The following KIF26B variants were observed in gnomAD, a reference collection of about 807,000 sequenced individuals.
KIF26B encodes the protein kinesin-like protein KIF26B.
Under a neutral mutation model 151.2 loss-of-function variants are expected in KIF26B, and 63 were observed. The observed-to-expected ratio is 0.42, with a 90% CI of 0.34 to 0.51. KIF26B has a LOEUF of 0.51. Among genes scored for constraint, KIF26B ranks in the 20% least tolerant of loss-of-function variants. The pLI, the probability that KIF26B is intolerant of heterozygous loss-of-function variation, is 0.07. For synonymous variants in KIF26B, 1,357 were observed against 1,262.1 expected, an observed-to-expected ratio of 1.08 and a Z score of -1.59; for missense variants, 2,813 against 2,913.6, an observed-to-expected ratio of 0.97 and a Z score of 0.79.
At chr1:245,589,655 CCT>C (rs1207502427) in intron 5 of KIF26B, among the ~76,000 whole-genome samples, 1 of 152,178 alleles carries the variant, frequency 6.6e-6, no homozygotes, top group Non-Finnish European at 1.5e-5. Context: ...GTGGTCATTG[CCT>C]CTTTGTCTTA....
chr1:245,394,798 C>A (rs1338285061), intron 3 of KIF26B, among the ~76,000 whole-genome samples: 1 of 147,280 alleles, frequency 6.8e-6, no homozygotes, highest in Non-Finnish European at 1.5e-5. Flanking sequence ...TCAAGTGAGT[C>A]TCCTGCCTCA....
chr1:245,469,989 G>C (rs909706439), intron 4 of KIF26B, among the ~76,000 whole-genome samples: 1 of 151,952 alleles, frequency 6.6e-6, no homozygotes, highest in African/African-American at 2.4e-5. Flanking sequence ...CAGTAGATCA[G>C]AGTTGGTTGG....
intron 2 of KIF26B, among the ~76,000 whole-genome samples, chr1:245,326,630 G>A (rs1282205587): frequency 6.6e-6 from 1 of 152,186 alleles, no homozygotes; most frequent in Non-Finnish European, 1.5e-5. Flanking sequence ...TGTAGGCTTG[G>A]CACAAGGAGC....
At chr1:245,485,688 A>G (rs1660267237) in intron 4 of KIF26B, among the ~76,000 whole-genome samples, 3 of 152,010 alleles carry the variant, frequency 2.0e-5, no homozygotes, top group Non-Finnish European at 4.4e-5. Flanking sequence ...CTGGCCTTCA[A>G]AAGTTTTTAA....
intron 2 of KIF26B, among the ~76,000 whole-genome samples, chr1:245,354,603 C>T (rs1672642333): frequency 3.3e-5 from 5 of 152,232 alleles, no homozygotes; most frequent in South Asian, 4.1e-4. Context: ...CTGCATTCCA[C>T]CAGCCCGTGG....
chr1:245,285,962 C>T (rs1474556711), intron 2 of KIF26B, among the ~76,000 whole-genome samples: 1 of 143,274 alleles, frequency 7.0e-6, no homozygotes, highest in Non-Finnish European at 1.5e-5. Flanking sequence ...GGCACCACTG[C>T]ACTCCAGCCT....
intron 3 of KIF26B, among the ~76,000 whole-genome samples, chr1:245,387,460 G>A (rs1280643061): frequency 1.3e-5 from 2 of 152,142 alleles, no homozygotes; most frequent in South Asian, 2.1e-4. Context: ...CACTATGCCC[G>A]GCTCCAATCT....
intron 4 of KIF26B, among the ~76,000 whole-genome samples, chr1:245,527,449 C>T (rs1266544665): frequency 1.4e-5 from 2 of 144,918 alleles, no homozygotes; most frequent in South Asian, 2.3e-4. Context: ...CCAGCCAGTT[C>T]ACTATCATTC....
chr1:245,680,185 C>G (rs1016714746), intron 10 of KIF26B, among the ~76,000 whole-genome samples: 8 of 152,170 alleles, frequency 5.3e-5, no homozygotes, highest in African/African-American at 1.9e-4. Context: ...TGCCCCTTCC[C>G]TCCCCTGCCC....
At chr1:245,309,160 A>G (rs906886405) in intron 2 of KIF26B, among the ~76,000 whole-genome samples, 1 of 152,198 alleles carries the variant, frequency 6.6e-6, no homozygotes, top group Non-Finnish European at 1.5e-5. Context: ...GCTCATGTGC[A>G]TCAGGATTGC....
rs545770495 is a variant in KIF26B, at chr1:245,430,766, C to A, written c.1166+11021C>A. Among the ~76,000 whole-genome samples, 11 of 152,266 alleles carry A rather than the reference C, an allele frequency of 7.2e-5. No homozygotes were observed. The South Asian group carries it at 2.3e-3, about 32-fold the overall frequency. On this transcript the variant is annotated intron_variant, in intron 4 of 14. Coordinates refer to ENST00000407071, the MANE Select transcript of KIF26B (RefSeq NM_018012.4). Reference sequence around the variant, plus strand: ...GACACACATTTAATCTTCAGAAGCCCCCATGAGTTGGCCGTGTTTTTATCC... The same window carrying A: ...GACACACATTTAATCTTCAGAAGCCACCATGAGTTGGCCGTGTTTTTATCC...
intron 10 of KIF26B, among the ~76,000 whole-genome samples, chr1:245,677,793 G>A (rs2044373848): frequency 6.6e-6 from 1 of 152,234 alleles, no homozygotes; most frequent in Non-Finnish European, 1.5e-5. Context: ...TAAAAATAAA[G>A]TGATTTTCCC....
chr1:245,469,661 TG>T (rs1230163978), intron 4 of KIF26B, among the ~76,000 whole-genome samples: 2 of 152,196 alleles, frequency 1.3e-5, no homozygotes, highest in Non-Finnish European at 2.9e-5. Flanking sequence ...AAGTGGCTTT[TG>T]TATCACCCAA....
chr1:245,351,736 G>A (rs1179997685), intron 2 of KIF26B, among the ~76,000 whole-genome samples: 1 of 152,182 alleles, frequency 6.6e-6, no homozygotes, highest in Non-Finnish European at 1.5e-5. Context: ...CAGGTCCAGA[G>A]CTCTGGCCAG....
intron 10 of KIF26B, among the ~76,000 whole-genome samples, chr1:245,661,395 G>A (rs1252530704): frequency 2.0e-5 from 3 of 151,992 alleles, no homozygotes; most frequent in Non-Finnish European, 4.4e-5. Context: ...GCAAAGGCAG[G>A]TGCAGCACAG....
At position 245,168,707 on chromosome 1, in the gene KIF26B, C is replaced by CT. The variant is rs995122505; in HGVS notation, c.465+12031dup. 5.8e-4 allele frequency among the ~76,000 whole-genome samples: 89 copies of CT among 152,178 alleles called. 1 individual carries two copies. Among genetic ancestry groups the CT allele is most frequent in the African/African-American group, 1.9e-3 (80 of 41,530 alleles). Reference sequence around the variant, plus strand: ...TCTTTTTGCTCCCTTTGATTTCTCTCTTTTTTTCTGCTCTTTCAAATGCCT... The same window carrying CT: ...TCTTTTTGCTCCCTTTGATTTCTCTCTTTTTTTTCTGCTCTTTCAAATGCCT... On this transcript the variant is annotated intron_variant, in intron 2 of 14. Transcript: ENST00000407071.
chr1:245,362,406 T>C (rs544502891), intron 2 of KIF26B, among the ~76,000 whole-genome samples: 116 of 147,002 alleles, frequency 7.9e-4, no homozygotes, highest in Non-Finnish European at 1.3e-3. Context: ...GGTGTGGTTG[T>C]GGGCGCCTGT....
At position 245,695,047 on chromosome 1, in the gene KIF26B, C is replaced by T. The variant is rs573820449; in HGVS notation, c.5825-3059C>T. Among the ~76,000 whole-genome samples the T allele has an allele frequency of 2.6e-4, 40 of 152,256 alleles. 1 individual carries two copies. In the South Asian group the frequency reaches 7.9e-3, roughly 30 times the overall value. On this transcript the variant is annotated intron_variant, in intron 12 of 14. Transcript: ENST00000407071. Reference sequence around the variant, plus strand: ...AGGGTGGGGCTTCCCCTGTACCTTTCTTAGAGCTGATGGTCCCCTGACCCC... The same window carrying T: ...AGGGTGGGGCTTCCCCTGTACCTTTTTTAGAGCTGATGGTCCCCTGACCCC...
chr1:245,427,674 A>T (rs1658680179), intron 4 of KIF26B, among the ~76,000 whole-genome samples: 1 of 151,202 alleles, frequency 6.6e-6, no homozygotes, highest in Admixed American at 6.6e-5. Context: ...TCACTGTATT[A>T]TTTTTTTTTC....
Sources: allele counts gnomAD v4.1 joint callset (sites outside exome capture counted in the v4.1 genomes callset), GRCh38; gene constraint gnomAD v4.1.1; transcripts MANE v1.5; gene names NCBI Gene and HGNC (gene_info 2026-07-23, HGNC 2026-07-21).